Variants in CDKL4 observed in about 807,000 individuals in gnomAD.
CDKL4 encodes the protein cyclin dependent kinase like 4.
A neutral mutation model predicts 42.0 loss-of-function variants in CDKL4; 44 were observed. The observed-to-expected ratio is 1.05, with a 90% CI of 0.82 to 1.35. The LOEUF is 1.35. Among genes scored for constraint, CDKL4 ranks in the 40% most tolerant of loss-of-function variants. The pLI is 0.00. For missense variants in CDKL4, 393 were observed against 369.9 expected (o/e 1.06, Z -0.51); for synonymous variants, 120 against 121.6 (o/e 0.99, Z 0.09).
rs1247080989 is a variant in CDKL4, at chr2:39,185,428, A to G, written c.736-781T>C. Among the ~76,000 whole-genome samples, 4 of 14,182 alleles carry G rather than the reference A, an allele frequency of 2.8e-4. 1 individual carries two copies. Among genetic ancestry groups the G allele is most frequent in the African/African-American group, 4.7e-4 (4 of 8,468 alleles). The allele number at this position is 14,182 out of a possible 152,430, so 9.3% of individuals were successfully genotyped here. A position where few individuals can be genotyped will look rare whatever the true frequency, so the allele number is the denominator to read the frequency against. On this transcript the variant is annotated intron_variant, in intron 7 of 9. Coordinates refer to ENST00000451199, the Ensembl canonical transcript of CDKL4. ...TGTGTATATATACATATATATATAC[A>G]TATGTATATATACATGTATATATAC...
At chr2:39,245,686 A>G (rs1343397928), upstream of CDKL4, among the ~76,000 whole-genome samples, 1 of 152,264 alleles carries the variant, frequency 6.6e-6, no homozygotes, top group Non-Finnish European at 1.5e-5. Flanking sequence ...ACTGAAAAAC[A>G]GCACACGTAA....
At chr2:39,193,811 C>A (rs1013044157) in intron 5 of CDKL4, among the ~76,000 whole-genome samples, 2 of 152,154 alleles carry the variant, frequency 1.3e-5, no homozygotes, top group Non-Finnish European at 2.9e-5. Context: ...GAATTGGGAC[C>A]AGTCTGTGTG....
At chr2:39,168,018 G>T in the CDKL4 span, among the ~76,000 whole-genome samples, 20 of 152,168 alleles carry the variant, frequency 1.3e-4, no homozygotes, top group African/African-American at 4.3e-4. Flanking sequence ...AAAGAACATA[G>T]TCAAGTTATA....
intron 2 of CDKL4, among the ~76,000 whole-genome samples, chr2:39,226,457 T>TATATATATTATATATATA (rs1678740806): frequency 7.5e-6 from 1 of 133,468 alleles, no homozygotes; most frequent in Non-Finnish European, 1.7e-5. Flanking sequence ...ATATATATAT[T>TATATATATTATATATATA]ATATATATTA....
downstream of CDKL4, among the ~76,000 whole-genome samples, chr2:39,171,712 C>G (rs547736519): frequency 2.6e-5 from 4 of 152,118 alleles, no homozygotes; most frequent in Non-Finnish European, 5.9e-5. Context: ...AACAAACAAA[C>G]AAAAAACTGT....
At chr2:39,184,744 G>C (rs1345687777) in intron 7 of CDKL4, 97 bp from the exon 8 acceptor site, 1 of 759,750 alleles carries the variant, frequency 1.3e-6, no homozygotes, top group Non-Finnish European at 2.2e-6. Context: ...GTGTGTGTGT[G>C]TGTATTTAGA....
At chr2:39,210,971 T>G (rs1283095731) in intron 4 of CDKL4, among the ~76,000 whole-genome samples, 1 of 152,250 alleles carries the variant, frequency 6.6e-6, no homozygotes, top group Non-Finnish European at 1.5e-5. Context: ...TCTCATGATC[T>G]TGTACTTTCT....
At chr2:39,219,787 T>C (rs1015404155) in intron 3 of CDKL4, among the ~76,000 whole-genome samples, 1 of 152,168 alleles carries the variant, frequency 6.6e-6, no homozygotes, top group Non-Finnish European at 1.5e-5. Flanking sequence ...GGCAAGGCTT[T>C]GGTGAACTAA....
At chr2:39,223,278 T>C (rs941898430) in intron 3 of CDKL4, among the ~76,000 whole-genome samples, 16 of 152,162 alleles carry the variant, frequency 1.1e-4, no homozygotes, top group Non-Finnish European at 8.8e-5. Context: ...GTATAACTTT[T>C]GCCCTCATCT....
chr2:39,207,951 A>T (rs933895724), intron 4 of CDKL4, among the ~76,000 whole-genome samples: 75 of 152,010 alleles, frequency 4.9e-4, no homozygotes, highest in Admixed American at 2.2e-3. Flanking sequence ...AACATAGAAA[A>T]ATTAGCCAGG....
chr2:39,187,832 CTA>C, intron 6 of CDKL4, 123 bp from the exon 7 acceptor site: 4 of 635,368 alleles, frequency 6.3e-6, no homozygotes, highest in Non-Finnish European at 1.1e-5. Flanking sequence ...CTTTGAGAGG[CTA>C]CGGCAGGTGG....
chr2:39,216,180 G>A (rs761559889), intron 3 of CDKL4, among the ~76,000 whole-genome samples: 43 of 152,236 alleles, frequency 2.8e-4, no homozygotes, highest in Admixed American at 7.9e-4. Context: ...TAAGTTATTT[G>A]AGTAATCTAT....
intron 1 of CDKL4, among the ~76,000 whole-genome samples, chr2:39,242,485 A>G (rs764190331): frequency 6.6e-6 from 1 of 152,252 alleles, no homozygotes; most frequent in Non-Finnish European, 1.5e-5. Context: ...TAGGTATAGA[A>G]CTGAGCCCAC....
At chr2:39,209,687 T>G (rs1015053830) in intron 4 of CDKL4, among the ~76,000 whole-genome samples, 8 of 152,168 alleles carry the variant, frequency 5.3e-5, no homozygotes, top group Non-Finnish European at 8.8e-5. Context: ...GTGTCCTGTT[T>G]AGGATCTCGA....
intron 4 of CDKL4, among the ~76,000 whole-genome samples, chr2:39,212,972 T>C (rs766295423): frequency 2.0e-5 from 3 of 152,156 alleles, no homozygotes; most frequent in Non-Finnish European, 2.9e-5. Flanking sequence ...TGAAAAATTA[T>C]TCTCGCCCAA....
chr2:39,196,157 A>G (rs1469489970), intron 5 of CDKL4, among the ~76,000 whole-genome samples: 1 of 152,192 alleles, frequency 6.6e-6, no homozygotes, highest in Non-Finnish European at 1.5e-5. Flanking sequence ...TCCTGGCTGG[A>G]GGTCAACCAA....
intron 4 of CDKL4, among the ~76,000 whole-genome samples, chr2:39,208,125 T>C (rs1229174557): frequency 2.0e-5 from 3 of 151,716 alleles, no homozygotes; most frequent in African/African-American, 7.3e-5. Context: ...AAATAAAAAT[T>C]TTTAAAAAAT....
the CDKL4 span, among the ~76,000 whole-genome samples, chr2:39,168,719 AAAAG>A: frequency 3.3e-5 from 5 of 151,432 alleles, no homozygotes; most frequent in African/African-American, 7.2e-5. Context: ...TAAAAAAAAA[AAAAG>A]AGAGAGCCTG....
At chr2:39,184,618 A>G in exon 8 of CDKL4, 3 of 1,612,106 alleles carry the variant, frequency 1.9e-6, no homozygotes, top group Middle Eastern at 3.3e-4. Context: ...CCACAGGATG[A>G]ACATCTGAGA....
Sources: allele counts gnomAD v4.1 joint callset (sites outside exome capture counted in the v4.1 genomes callset), GRCh38; gene constraint gnomAD v4.1.1; transcripts MANE v1.5; gene names NCBI Gene and HGNC (gene_info 2026-07-23, HGNC 2026-07-21).